The following LRRC69 variants were observed in gnomAD, a reference collection of about 807,000 sequenced individuals.
LRRC69 encodes the protein leucine-rich repeat-containing protein 69.
Under a neutral mutation model 37.8 loss-of-function variants are expected in LRRC69, and 42 were observed. The observed-to-expected ratio is 1.11, with a 90% CI of 0.87 to 1.44. LRRC69 has a LOEUF of 1.44. Among genes scored for constraint, LRRC69 ranks in the 40% most tolerant of loss-of-function variants. The pLI, the probability that LRRC69 is intolerant of heterozygous loss-of-function variation, is 0.00. For synonymous variants in LRRC69, 141 were observed against 143.1 expected (o/e 0.99, Z 0.11); for missense variants, 357 against 401.9 (o/e 0.89, Z 0.96).
rs754549879 is a variant in LRRC69 at position 91,133,301 on chromosome 8, C to T, written c.575C>T (p.Pro192Leu). 2.9e-5 allele frequency: 44 copies of T among 1,495,876 alleles called. No individual in the cohort carries two copies. The highest frequency in any genetic ancestry group is 3.6e-5 in the Non-Finnish European group (41 of 1,129,674). 92.7% of individuals were successfully genotyped at this position (1,495,876 alleles called of 1,614,324 possible). The change falls in exon 4 of 8, where the codon CCG (proline) becomes CTG (leucine). Residue 192 changes from proline to leucine, a missense_variant. Coordinates refer to ENST00000448384, the Ensembl canonical transcript of LRRC69. The stretch of plus-strand genomic sequence containing the variant: ...GCCAGAAACAACATTGGAGTTTTGC[C>T]GGAGGTAAGCAAAACATGGAACCAC...
intron 5 of LRRC69, among the ~76,000 whole-genome samples, chr8:91,154,916 A>G (rs1229475860): frequency 6.6e-6 from 1 of 151,706 alleles, no homozygotes; most frequent in Non-Finnish European, 1.5e-5. Flanking sequence ...TTCAAATATG[A>G]AAAAGGAAAT....
chr8:91,127,601 CAAAAAAAA>C (rs554876868), intron 3 of LRRC69, among the ~76,000 whole-genome samples: 3 of 66,570 alleles, frequency 4.5e-5, no homozygotes, highest in African/African-American at 5.7e-5. Flanking sequence ...TGTCATTAAC[CAAAAAAAA>C]AAAAAAAAAA....
chr8:91,212,852 CTTA>C (rs1035013343), intron 7 of LRRC69, among the ~76,000 whole-genome samples: 2 of 152,090 alleles, frequency 1.3e-5, no homozygotes, highest in Non-Finnish European at 2.9e-5. Flanking sequence ...ATATATATTT[CTTA>C]TTGTTTTATT....
At chr8:91,205,166 G>A (rs558932522) in intron 7 of LRRC69, among the ~76,000 whole-genome samples, 2 of 152,088 alleles carry the variant, frequency 1.3e-5, no homozygotes, top group East Asian at 1.9e-4. Flanking sequence ...ATGAATGAAT[G>A]AATGGATAAA....
chr8:91,178,006 A>G (rs7008777), intron 5 of LRRC69, among the ~76,000 whole-genome samples: 102,492 of 151,392 alleles, frequency 0.68, 35,170 homozygotes, highest in African/African-American at 0.74. Context: ...CCGCCACCAC[A>G]CCCGGCTAAT....
At chr8:91,155,177 G>T (rs940450880) in intron 5 of LRRC69, among the ~76,000 whole-genome samples, 1 of 151,252 alleles carries the variant, frequency 6.6e-6, no homozygotes, top group African/African-American at 2.4e-5. Context: ...AGGATGTGAA[G>T]GACCTCTTCA....
In LRRC69 at chr8:91,163,345, C is replaced by T. The variant is rs115150161; in HGVS notation, c.652-26177C>T. ...AGCATCTTTGCCTGTTTATTCATTGCTGTATTTTATTGCCAAGAGCAGTCC... is the reference window on the plus strand; with the variant it reads ...AGCATCTTTGCCTGTTTATTCATTGTTGTATTTTATTGCCAAGAGCAGTCC... On this transcript the variant is annotated intron_variant, in intron 5 of 7. Transcript: ENST00000448384. 5.8e-3 allele frequency among the ~76,000 whole-genome samples: 874 copies of T among 151,576 alleles called. 8 individuals carry two copies. Among genetic ancestry groups the T allele is most frequent in the African/African-American group, 0.019 (788 of 41,472 alleles).
At chr8:91,145,542 T>A (rs1808605950) in intron 5 of LRRC69, among the ~76,000 whole-genome samples, 1 of 151,964 alleles carries the variant, frequency 6.6e-6, no homozygotes, top group Non-Finnish European at 1.5e-5. Flanking sequence ...TAAAATAGTA[T>A]AATTTTCTTT....
At chr8:91,159,989 C>CA (rs575227759) in intron 5 of LRRC69, among the ~76,000 whole-genome samples, 404 of 150,912 alleles carry the variant, frequency 2.7e-3, no homozygotes, top group African/African-American at 9.3e-3. Flanking sequence ...ACAACAACAA[C>CA]AAAAATATGA....
At chr8:91,113,116 ATAT>A (rs1162741871) in intron 1 of LRRC69, among the ~76,000 whole-genome samples, 1 of 152,028 alleles carries the variant, frequency 6.6e-6, no homozygotes, top group Non-Finnish European at 1.5e-5. Context: ...GGAAGAATTA[ATAT>A]TATTAAAATG....
chr8:91,187,721 T>C (rs1809428727), intron 5 of LRRC69, among the ~76,000 whole-genome samples: 2 of 152,208 alleles, frequency 1.3e-5, no homozygotes, highest in African/African-American at 4.8e-5. Flanking sequence ...TATTCTCTGC[T>C]TCAAACAGTT....
chr8:91,154,620 A>G (rs1388331590), intron 5 of LRRC69, among the ~76,000 whole-genome samples: 1 of 152,000 alleles, frequency 6.6e-6, no homozygotes, highest in Non-Finnish European at 1.5e-5. Flanking sequence ...ACCAAGGACA[A>G]AAACCCCATG....
chr8:91,157,515 C>T (rs1250160896), intron 5 of LRRC69: 2 of 1,547,688 alleles, frequency 1.3e-6, no homozygotes, highest in Non-Finnish European at 1.8e-6. Context: ...ACAAGGAGTT[C>T]TATTTGTTTC....
At chr8:91,147,003 C>A (rs1808632319) in intron 5 of LRRC69, among the ~76,000 whole-genome samples, 1 of 151,392 alleles carries the variant, frequency 6.6e-6, no homozygotes, top group African/African-American at 2.4e-5. Flanking sequence ...GATTGAGAAA[C>A]TAGTTTACAT....
At chr8:91,193,119 G>T (rs528599111) in intron 6 of LRRC69, among the ~76,000 whole-genome samples, 2 of 135,276 alleles carry the variant, frequency 1.5e-5, no homozygotes, top group Admixed American at 7.5e-5. Flanking sequence ...TTTCCCCATT[G>T]CTTGTTTTTC....
intron 7 of LRRC69, among the ~76,000 whole-genome samples, chr8:91,215,014 C>T (rs751943353): frequency 6.6e-6 from 1 of 151,944 alleles, no homozygotes; most frequent in Non-Finnish European, 1.5e-5. Context: ...CTGATCTAGG[C>T]CTTCTCATAT....
chr8:91,191,041 A>AACCCCCC (rs1809484739), intron 6 of LRRC69, among the ~76,000 whole-genome samples: 1 of 114,424 alleles, frequency 8.7e-6, no homozygotes. Flanking sequence ...CCTGTCTCAA[A>AACCCCCC]CCCCCCCCCC....
intron 5 of LRRC69, among the ~76,000 whole-genome samples, chr8:91,145,953 CA>C (rs1563603810): frequency 6.6e-6 from 1 of 151,720 alleles, no homozygotes; most frequent in African/African-American, 2.4e-5. Context: ...TGATTTTGTT[CA>C]AATTCTTGTT....
chr8:91,171,176 G>T (rs1809122078), intron 5 of LRRC69, among the ~76,000 whole-genome samples: 1 of 151,954 alleles, frequency 6.6e-6, no homozygotes, highest in African/African-American at 2.4e-5. Context: ...TGGGTTTTAT[G>T]TTCCTAAGGC....
Sources: gnomAD v4.1 joint callset for allele counts (sites outside exome capture counted in the v4.1 genomes callset) on GRCh38, gnomAD v4.1.1 for gene constraint, MANE v1.5 for transcripts, NCBI Gene and HGNC (gene_info 2026-07-23, HGNC 2026-07-21) for gene names.